ATP10B: variants seen among roughly 807,000 people sequenced by gnomAD.
ATP10B encodes phospholipid-transporting ATPase VB.
ATP10B carries 122 observed loss-of-function variants against 141.2 expected under a neutral mutation model. That is an observed-to-expected ratio of 0.86 (90% CI 0.75 to 1.00). The LOEUF (loss-of-function observed/expected upper bound fraction) is 1.00. Among genes scored for constraint, ATP10B ranks in the 50% least tolerant of loss-of-function variants. The probability of loss-of-function intolerance (pLI) is 0.00; values close to 1 mark genes in which losing one functional copy is unlikely to be tolerated. For missense variants in ATP10B, 1,876 were observed against 1,825.3 expected (o/e 1.03, Z -0.51); for synonymous variants, 685 against 692.0 (o/e 0.99, Z 0.16).
intron 7 of ATP10B, among the ~76,000 whole-genome samples, chr5:160,661,897 C>T (rs1449095230): frequency 2.0e-5 from 3 of 152,142 alleles, no homozygotes; most frequent in Non-Finnish European, 4.4e-5. Flanking sequence ...ATCTAGAAAG[C>T]CCCATCGTCT....
intron 6 of ATP10B, among the ~76,000 whole-genome samples, chr5:160,679,079 T>C (rs931750093): frequency 3.3e-5 from 5 of 152,230 alleles, no homozygotes; most frequent in African/African-American, 1.2e-4. Flanking sequence ...AGTGGCTTCA[T>C]TTAGGTCATG....
chr5:160,740,805 G>C (rs989418522), intron 2 of ATP10B, among the ~76,000 whole-genome samples: 1 of 152,126 alleles, frequency 6.6e-6, no homozygotes, highest in African/African-American at 2.4e-5. Flanking sequence ...TCTTCACTTG[G>C]GCATTGCAAA....
At chr5:160,623,130 G>A (rs980168438) in intron 13 of ATP10B, among the ~76,000 whole-genome samples, 1 of 152,186 alleles carries the variant, frequency 6.6e-6, no homozygotes, top group Non-Finnish European at 1.5e-5. Context: ...TCTGTTTGCT[G>A]CCTCTTGGAT....
At chr5:160,778,705 T>C (rs1184472591) in intron 2 of ATP10B, among the ~76,000 whole-genome samples, 2 of 152,334 alleles carry the variant, frequency 1.3e-5, no homozygotes, top group Non-Finnish European at 2.9e-5. Flanking sequence ...ATGTTATAAA[T>C]ACATATACAC....
chr5:160,913,818 G>A, the ATP10B span, among the ~76,000 whole-genome samples: 134 of 152,270 alleles, frequency 8.8e-4, no homozygotes, highest in South Asian at 8.5e-3. Flanking sequence ...ATTATTTGCC[G>A]TGAAAATACC....
the ATP10B span, among the ~76,000 whole-genome samples, chr5:160,926,056 T>C: frequency 6.6e-6 from 1 of 152,220 alleles, no homozygotes; most frequent in Admixed American, 6.5e-5. Context: ...CCAGTTTGCA[T>C]TCTAATCTGG....
At chr5:160,585,320 G>A (rs1397365094) in intron 24 of ATP10B, among the ~76,000 whole-genome samples, 2 of 152,304 alleles carry the variant, frequency 1.3e-5, no homozygotes. Flanking sequence ...TTAGCTTGGT[G>A]GTTTCTAGTA....
chr5:160,612,996 T>G (rs929509943), intron 17 of ATP10B, 71 bp from the exon 18 acceptor site: 7 of 1,453,324 alleles, frequency 4.8e-6, no homozygotes, highest in African/African-American at 1.4e-5. Flanking sequence ...CCCAAAGCCA[T>G]GTGAAGCCAG....
At chr5:160,900,992 G>A in the ATP10B span, among the ~76,000 whole-genome samples, 67,738 of 144,484 alleles carry the variant, frequency 0.47, 16,677 homozygotes, top group East Asian at 0.56. Context: ...TCTTCCAGGA[G>A]CAACACAATG....
At chr5:160,610,171 T>C (rs1469436600) in intron 18 of ATP10B, among the ~76,000 whole-genome samples, 1 of 152,176 alleles carries the variant, frequency 6.6e-6, no homozygotes, top group African/African-American at 2.4e-5. Context: ...CAAAAAATGA[T>C]GGGATGTCAC....
chr5:160,606,282 G>C (rs1757384209), intron 19 of ATP10B, among the ~76,000 whole-genome samples: 1 of 152,154 alleles, frequency 6.6e-6, no homozygotes, highest in South Asian at 2.1e-4. Context: ...TATGCTTTGT[G>C]CTGGCCTCCT....
chr5:160,719,943 A>G (rs1439871760), intron 2 of ATP10B, among the ~76,000 whole-genome samples: 2 of 152,210 alleles, frequency 1.3e-5, no homozygotes, highest in African/African-American at 2.4e-5. Context: ...TAACAGAGCT[A>G]TTATGGTGGT....
chr5:160,767,052 A>C (rs80253132), intron 2 of ATP10B, among the ~76,000 whole-genome samples: 1 of 147,114 alleles, frequency 6.8e-6, no homozygotes, highest in East Asian at 1.9e-4. Flanking sequence ...GCCACAATGG[A>C]AAAAAAAAAG....
At chr5:160,728,320 G>A (rs909970744) in intron 2 of ATP10B, among the ~76,000 whole-genome samples, 1 of 152,074 alleles carries the variant, frequency 6.6e-6, no homozygotes, top group African/African-American at 2.4e-5. Flanking sequence ...GTTTTTCCCC[G>A]ATACACCCTG....
chr5:160,797,802 G>T (rs1253115959), intron 1 of ATP10B, among the ~76,000 whole-genome samples: 1 of 151,898 alleles, frequency 6.6e-6, no homozygotes, highest in East Asian at 1.9e-4. Context: ...CTAAATACAA[G>T]AAAAGAAGCT....
chr5:160,922,466 A>C, the ATP10B span, among the ~76,000 whole-genome samples: 1 of 152,196 alleles, frequency 6.6e-6, no homozygotes, highest in African/African-American at 2.4e-5. Context: ...ATGGAGGAGG[A>C]TGTGGGCAAA....
chr5:160,798,602 C>A (rs913931919), intron 1 of ATP10B, among the ~76,000 whole-genome samples: 2 of 152,144 alleles, frequency 1.3e-5, no homozygotes, highest in Non-Finnish European at 2.9e-5. Context: ...GAGAGAATGG[C>A]CCGGCTGACT....
intron 1 of ATP10B, among the ~76,000 whole-genome samples, chr5:160,836,241 CA>C (rs1166112535): frequency 6.6e-6 from 1 of 152,110 alleles, no homozygotes; most frequent in Non-Finnish European, 1.5e-5. Flanking sequence ...CTTCAATTTA[CA>C]CACAGAAAAT....
At position 160,713,979 on chromosome 5, in the gene ATP10B, G is replaced by C. The variant is rs1028345135; in HGVS notation, c.-205+2930C>G. 9.8e-5 allele frequency among the ~76,000 whole-genome samples: 4 copies of C among 40,664 alleles called. 1 individual carries two copies. In the South Asian group the frequency reaches 8.0e-3, roughly 81 times the overall value. 26.7% of individuals were successfully genotyped at this position (40,664 alleles called of 152,430 possible). ...CTGGCTTGTAGGGTTTCTGCCGAGA[G>C]ATCCGCTGTTAGTTTGATGGGCTTT... On this transcript the variant is annotated intron_variant, in intron 3 of 25. Transcript: ENST00000327245.
Sources: allele counts gnomAD v4.1 joint callset (sites outside exome capture counted in the v4.1 genomes callset), GRCh38; gene constraint gnomAD v4.1.1; transcripts MANE v1.5; gene names NCBI Gene and HGNC (gene_info 2026-07-23, HGNC 2026-07-21).